Variants in TMEM248 observed in about 807,000 individuals in gnomAD.
TMEM248 encodes the protein UPF0458 protein C7orf42.
TMEM248 carries 9 observed loss-of-function variants against 30.3 expected under a neutral mutation model. The observed-to-expected ratio is 0.30, with a 90% confidence interval of 0.18 to 0.52. TMEM248 has a LOEUF of 0.52. TMEM248 is among the 20% of genes least tolerant of loss of function. TMEM248 has a pLI of 0.97. For missense variants in TMEM248, 338 were observed against 403.3 expected (o/e 0.84, Z 1.39); for synonymous variants, 184 against 154.4 (o/e 1.19, Z -1.42).
intron 1 of TMEM248, among the ~76,000 whole-genome samples, chr7:66,931,329 TTAAAAC>T (rs1409306657): frequency 6.7e-6 from 1 of 148,926 alleles, no homozygotes; most frequent in Non-Finnish European, 1.5e-5. Flanking sequence ...AAAGAACAGT[TTAAAAC>T]TACAATAAAG....
intron 1 of TMEM248, among the ~76,000 whole-genome samples, chr7:66,937,341 C>T (rs2129222859): frequency 6.6e-6 from 1 of 152,204 alleles, no homozygotes; most frequent in African/African-American, 2.4e-5. Flanking sequence ...CTAACGTGGT[C>T]TATTTTTGGG....
chr7:66,943,193 C>T (rs1176880049), intron 2 of TMEM248, among the ~76,000 whole-genome samples: 2 of 152,112 alleles, frequency 1.3e-5, no homozygotes, highest in East Asian at 3.9e-4. Context: ...AAACAGGCTG[C>T]CCCCACATCA....
Position 66,941,853 on chromosome 7 carries a change from G to A in TMEM248, c.-13G>A. 1 of 1,607,852 alleles carries A rather than the reference G, an allele frequency of 6.2e-7. No individual in the cohort carries two copies. Among genetic ancestry groups the A allele is most frequent in the Non-Finnish European group, 8.5e-7 (1 of 1,176,336 alleles). ...TTCTGATTCATTTCTTTCAGGTGGAGCTGATCAGAATAATGTTCAGCATCA... is the reference window on the plus strand; with the variant it reads ...TTCTGATTCATTTCTTTCAGGTGGAACTGATCAGAATAATGTTCAGCATCA... On this transcript the variant is annotated 5_prime_UTR_variant, in exon 2 of 7. Transcript: ENST00000341567.
At chr7:66,936,837 T>C (rs1002904437) in intron 1 of TMEM248, among the ~76,000 whole-genome samples, 3 of 152,174 alleles carry the variant, frequency 2.0e-5, no homozygotes, top group African/African-American at 7.2e-5. Flanking sequence ...CTTTGAATCT[T>C]GTCTCTCTTT....
intron 2 of TMEM248, among the ~76,000 whole-genome samples, chr7:66,943,199 C>T (rs1012821766): frequency 2.0e-5 from 3 of 152,164 alleles, no homozygotes; most frequent in Non-Finnish European, 4.4e-5. Flanking sequence ...GCTGCCCCCA[C>T]ATCAGGGCTG....
chr7:66,933,846 C>T (rs1424003381), intron 1 of TMEM248, among the ~76,000 whole-genome samples: 2 of 152,212 alleles, frequency 1.3e-5, no homozygotes, highest in Non-Finnish European at 1.5e-5. Context: ...TTCAGAGAGG[C>T]AGCTTCCCAG....
rs1791883402 is a variant in TMEM248 at position 66,939,159 on chromosome 7, A to G, written c.-18-2689A>G. On this transcript the variant is annotated intron_variant, in intron 1 of 6. Coordinates refer to ENST00000341567, the MANE Select transcript of TMEM248 (RefSeq NM_017994.5). ...TGGCACAAATCTCATGGAATGGAGC[A>G]GGCTCCTTCACTGCTGGGGAAGTGT... is the stretch of plus-strand genomic sequence containing the variant. 1.3e-5 allele frequency among the ~76,000 whole-genome samples: 2 copies of G among 152,352 alleles called. 1 individual carries two copies. Among genetic ancestry groups the G allele is most frequent in the Admixed American group, 1.3e-4 (2 of 15,298 alleles).
Position 66,958,062 on chromosome 7 carries a change from CA to C in TMEM248, c.*2542del, listed in dbSNP as rs1792443650. On this transcript the variant is annotated 3_prime_UTR_variant, in exon 7 of 7. Coordinates refer to ENST00000341567, the MANE Select transcript of TMEM248 (RefSeq NM_017994.5). ...TCACCATCTGGGCACTTCCCAGGCT[CA>C]ATGCTCAGCCAGAGTTTGCTGGTGG... 6.5e-6 allele frequency: 1 copy of C among 152,692 alleles called. No homozygotes were observed. The highest frequency in any genetic ancestry group is 1.5e-5 in the Non-Finnish European group (1 of 68,120). The allele number at this position is 152,692 out of a possible 1,614,324, so 9.5% of individuals were successfully genotyped here.
At position 66,941,834 on chromosome 7, in the gene TMEM248, T is replaced by G. The variant is rs1222854386; in HGVS notation, c.-18-14T>G. On this transcript the variant is annotated splice_polypyrimidine_tract_variant and intron_variant, in intron 1 of 6. Coordinates refer to ENST00000341567, the MANE Select transcript of TMEM248 (RefSeq NM_017994.5). ...GCAAGTCAGTCCTTGAAGCTTCTGA[T>G]TCATTTCTTTCAGGTGGAGCTGATC... 33 of 1,586,486 alleles carry G rather than the reference T, an allele frequency of 2.1e-5. No homozygotes were observed. The highest frequency in any genetic ancestry group is 2.8e-5 in the Non-Finnish European group (32 of 1,162,904).
Position 66,941,855 on chromosome 7 carries a change from T to C in TMEM248, c.-11T>C, listed in dbSNP as rs1562941293. ...CTGATTCATTTCTTTCAGGTGGAGC[T>C]GATCAGAATAATGTTCAGCATCAAC... is the stretch of plus-strand genomic sequence containing the variant. On this transcript the variant is annotated 5_prime_UTR_variant, in exon 2 of 7. Coordinates refer to ENST00000341567, the MANE Select transcript of TMEM248 (RefSeq NM_017994.5). 1.2e-6 allele frequency: 2 copies of C among 1,607,908 alleles called. No individual in the cohort carries two copies. Among genetic ancestry groups the C allele is most frequent in the East Asian group, 2.2e-5 (1 of 44,710 alleles).
intron 1 of TMEM248, among the ~76,000 whole-genome samples, chr7:66,928,705 T>C (rs937635681): frequency 2.6e-5 from 4 of 152,352 alleles, no homozygotes; most frequent in East Asian, 1.9e-4. Context: ...TCACTATTGA[T>C]GTCTCGATTG....
At chr7:66,926,786 A>G (rs1791537319) in intron 1 of TMEM248, among the ~76,000 whole-genome samples, 3 of 152,330 alleles carry the variant, frequency 2.0e-5, no homozygotes, top group South Asian at 2.1e-4. Context: ...TCCTTAAGTT[A>G]ACTTTCTCAT....
intron 4 of TMEM248, among the ~76,000 whole-genome samples, chr7:66,950,480 G>A (rs994353547): frequency 3.3e-5 from 5 of 152,206 alleles, no homozygotes; most frequent in Middle Eastern, 3.4e-3. Flanking sequence ...TTCCACTTCC[G>A]CCATGCTTGT....
intron 2 of TMEM248, 24 bp from the exon 3 acceptor site, chr7:66,944,952 T>C: frequency 6.2e-7 from 1 of 1,612,036 alleles, no homozygotes; most frequent in Non-Finnish European, 8.5e-7. Context: ...AACACCCATT[T>C]CTCTTTCTTT....
Position 66,945,114 on chromosome 7 carries a change from T to A in TMEM248, c.298T>A (p.Ser100Thr). ...CGGGCAGGCCCGAGCTTCCACCCAG[T>A]CCCCCCAGGCCCTGGAGGACTCGGG... The part of the protein sequence containing the change: ...TSGQARASTQ[S>T]PQALEDSGPV... The change falls in exon 3 of 7, where the codon TCC (serine) becomes ACC (threonine). Residue 100 changes from serine to threonine, a missense_variant. By Grantham distance (58) the Ser-to-Thr change is moderately conservative. Coordinates refer to ENST00000341567, the MANE Select transcript of TMEM248 (RefSeq NM_017994.5). 1 of 1,613,974 alleles carries A rather than the reference T, an allele frequency of 6.2e-7. No homozygotes were observed. The highest frequency in any genetic ancestry group is 8.5e-7 in the Non-Finnish European group (1 of 1,179,998).
chr7:66,933,354 C>A (rs1204745986), intron 1 of TMEM248, among the ~76,000 whole-genome samples: 1 of 152,196 alleles, frequency 6.6e-6, no homozygotes, highest in Non-Finnish European at 1.5e-5. Context: ...TTGATAGGTA[C>A]AATACTGGGG....
intron 1 of TMEM248, among the ~76,000 whole-genome samples, chr7:66,931,778 A>G (rs1165316550): frequency 2.2e-5 from 3 of 138,140 alleles, no homozygotes; most frequent in Non-Finnish European, 3.1e-5. Flanking sequence ...GTGCCCAACC[A>G]GGAGGCCTTC....
intron 1 of TMEM248, among the ~76,000 whole-genome samples, chr7:66,932,955 G>A (rs1003949911): frequency 2.0e-5 from 3 of 151,946 alleles, no homozygotes; most frequent in South Asian, 2.1e-4. Context: ...CAACCTCCCA[G>A]GTTCAAGCAA....
At chr7:66,942,251 A>G (rs1791983583) in intron 2 of TMEM248, among the ~76,000 whole-genome samples, 2 of 152,338 alleles carry the variant, frequency 1.3e-5, no homozygotes, top group East Asian at 1.9e-4. Flanking sequence ...CAGTTAGACT[A>G]TTTTAGCAGT....
Sources: allele counts gnomAD v4.1 joint callset (sites outside exome capture counted in the v4.1 genomes callset), GRCh38; gene constraint gnomAD v4.1.1; transcripts MANE v1.5; gene names NCBI Gene and HGNC (gene_info 2026-07-23, HGNC 2026-07-21).